NCR1: variants seen among roughly 807,000 people sequenced by gnomAD.
The protein encoded by NCR1 is NK cell-activating receptor.
NCR1 carries 30 observed loss-of-function variants against 32.5 expected under a neutral mutation model. That is an observed-to-expected ratio of 0.92 (90% confidence interval 0.69 to 1.25). The LOEUF (loss-of-function observed/expected upper bound fraction) is 1.25. NCR1 is among the 50% of genes most tolerant of loss of function. The probability of loss-of-function intolerance (pLI) is 0.00; values close to 1 mark genes in which losing one functional copy is unlikely to be tolerated. For missense variants in NCR1, 369 were observed against 380.7 expected, an observed-to-expected ratio of 0.97 and a Z score of 0.26; for synonymous variants, 169 against 143.4, an observed-to-expected ratio of 1.18 and a Z score of -1.28.
chr19:54,923,187 C>T, the NCR1 span, among the ~76,000 whole-genome samples: 3 of 152,184 alleles, frequency 2.0e-5, no homozygotes, highest in East Asian at 1.9e-4. Flanking sequence ...CCAGGCCCTG[C>T]GCTGCTTCCA....
At chr19:54,927,844 C>T in the NCR1 span, 2 of 1,433,958 alleles carry the variant, frequency 1.4e-6, no homozygotes, top group Non-Finnish European at 2.0e-6. Flanking sequence ...GTAATCCCAA[C>T]ACTTCGGGAG....
At chr19:54,913,972 G>A (rs1030787996), downstream of NCR1, among the ~76,000 whole-genome samples, 1 of 151,724 alleles carries the variant, frequency 6.6e-6, no homozygotes, top group Non-Finnish European at 1.5e-5. Context: ...GGAGGCTGAG[G>A]CAGGAGAATA....
At position 54,913,050 on chromosome 19, in the gene NCR1, A is replaced by C; in HGVS notation, c.*179A>C. 1 of 517,988 alleles carries C rather than the reference A, an allele frequency of 1.9e-6. No individual in the cohort carries two copies. Among genetic ancestry groups the C allele is most frequent in the Non-Finnish European group, 3.1e-6 (1 of 318,542 alleles). The allele number at this position is 517,988 out of a possible 1,614,324, so 32.1% of individuals were successfully genotyped here. A position where few individuals can be genotyped will look rare whatever the true frequency, so the allele number is the denominator to read the frequency against. ...CAGAGGGTGGGAGAACTACATGCTA[A>C]ATTTCTTTTTTTTTTTTTTTGAGAC... On this transcript the variant is annotated 3_prime_UTR_variant, in exon 7 of 7. Coordinates refer to ENST00000291890, the MANE Select transcript of NCR1 (RefSeq NM_004829.7).
At chr19:54,926,865 G>A in the NCR1 span, among the ~76,000 whole-genome samples, 145 of 148,068 alleles carry the variant, frequency 9.8e-4, 1 homozygote, top group African/African-American at 3.5e-3. Flanking sequence ...GCACTGAGCC[G>A]AGATAGCGCC....
chr19:54,935,697 A>T, the NCR1 span, among the ~76,000 whole-genome samples: 2 of 75,274 alleles, frequency 2.7e-5, no homozygotes, highest in African/African-American at 2.6e-4. Flanking sequence ...TCTCAAAGAA[A>T]AAAAAAAAAA....
At chr19:54,906,093 C>A, upstream of NCR1, 2 of 1,485,052 alleles carry the variant, frequency 1.3e-6, no homozygotes, top group Non-Finnish European at 1.9e-6. Context: ...TGGTGATGGG[C>A]GCTGGTGCTC....
rs577237926 is a variant in NCR1 at position 54,913,066 on chromosome 19, T to C, written c.*195T>C. 2.2e-4 allele frequency: 116 copies of C among 530,274 alleles called. 1 individual carries two copies. In the South Asian group the frequency reaches 3.0e-3, roughly 14 times the overall value. The allele number at this position is 530,274 out of a possible 1,614,324, so 32.8% of individuals were successfully genotyped here. On this transcript the variant is annotated 3_prime_UTR_variant, in exon 7 of 7. Coordinates refer to ENST00000291890, the MANE Select transcript of NCR1 (RefSeq NM_004829.7). Reference sequence around the variant, plus strand: ...TACATGCTAAATTTCTTTTTTTTTTTTTTTGAGACAGAGTTTTCTCTTGTT... The same window carrying C: ...TACATGCTAAATTTCTTTTTTTTTTCTTTTGAGACAGAGTTTTCTCTTGTT...
At chr19:54,923,891 A>T in the NCR1 span, 1 of 1,609,944 alleles carries the variant, frequency 6.2e-7, no homozygotes, top group Non-Finnish European at 8.5e-7. Context: ...ATCAGAGAAC[A>T]CAAATGTTCC....
downstream of NCR1, among the ~76,000 whole-genome samples, chr19:54,914,642 A>G (rs781272306): frequency 1.1e-4 from 17 of 151,876 alleles, no homozygotes; most frequent in Non-Finnish European, 1.9e-4. Context: ...CCCGGCCACC[A>G]TCTTTGCTTC....
the NCR1 span, chr19:54,923,960 C>T: frequency 6.9e-7 from 1 of 1,453,676 alleles, no homozygotes. Context: ...ACACTCAAAG[C>T]AGGAAACGTT....
At chr19:54,903,089 C>T (rs989120063), upstream of NCR1, among the ~76,000 whole-genome samples, 7 of 151,632 alleles carry the variant, frequency 4.6e-5, no homozygotes, top group Non-Finnish European at 8.8e-5. Flanking sequence ...GAGATTGCAC[C>T]ACTGCACCCC....
upstream of NCR1, among the ~76,000 whole-genome samples, chr19:54,904,822 G>T (rs761284368): frequency 1.3e-5 from 2 of 152,072 alleles, no homozygotes; most frequent in Non-Finnish European, 2.9e-5. Flanking sequence ...CTGAGCCACC[G>T]TGTCTGGCCA....
At chr19:54,933,595 G>A in the NCR1 span, 1 of 1,614,066 alleles carries the variant, frequency 6.2e-7, no homozygotes, top group Non-Finnish European at 8.5e-7. Flanking sequence ...TACAATCAGG[G>A]TAACTCAAGC....
chr19:54,917,333 CA>C (rs202025649), downstream of NCR1, among the ~76,000 whole-genome samples: 11 of 149,728 alleles, frequency 7.3e-5, no homozygotes, highest in Admixed American at 5.3e-4. Flanking sequence ...AAAACAAAAA[CA>C]AAAAAACTAC....
chr19:54,921,208 A>G, the NCR1 span, among the ~76,000 whole-genome samples: 1 of 152,080 alleles, frequency 6.6e-6, no homozygotes, highest in African/African-American at 2.4e-5. Flanking sequence ...CCTACCTCTC[A>G]TCACCTGACC....
At chr19:54,899,996 G>T in the NCR1 span, among the ~76,000 whole-genome samples, 1 of 152,230 alleles carries the variant, frequency 6.6e-6, no homozygotes, top group Non-Finnish European at 1.5e-5. Flanking sequence ...TTGAGGGATA[G>T]TGAGAGAGGT....
the NCR1 span, chr19:54,923,706 T>G: frequency 3.1e-6 from 5 of 1,611,644 alleles, no homozygotes; most frequent in Non-Finnish European, 4.2e-6. Flanking sequence ...CGAATCCCGC[T>G]TCCTGTGTAA....
chr19:54,923,804 T>C, the NCR1 span: 7 of 1,614,134 alleles, frequency 4.3e-6, no homozygotes, highest in South Asian at 1.1e-5. Flanking sequence ...AATAGTCAGC[T>C]TGGGATTCTT....
the NCR1 span, among the ~76,000 whole-genome samples, chr19:54,933,049 A>G: frequency 6.6e-6 from 1 of 152,180 alleles, no homozygotes; most frequent in Non-Finnish European, 1.5e-5. Flanking sequence ...CAGATCCGAG[A>G]ACCAACTACT....
Sources: gnomAD v4.1 joint callset for allele counts (sites outside exome capture counted in the v4.1 genomes callset) on GRCh38, gnomAD v4.1.1 for gene constraint, MANE v1.5 for transcripts, NCBI Gene and HGNC (gene_info 2026-07-23, HGNC 2026-07-21) for gene names.